ABI1: variants seen among roughly 807,000 people sequenced by gnomAD.
ABI1 encodes Abelson interactor 1.
In ABI1, 14 loss-of-function variants were observed where a neutral mutation model predicts 54.6. That is an observed-to-expected ratio of 0.26 (90% CI 0.17 to 0.40). ABI1 has a LOEUF of 0.40. Among genes scored for constraint, ABI1 ranks in the 10% least tolerant of loss-of-function variants. The pLI is 1.00. For synonymous variants in ABI1, 194 were observed against 209.3 expected (o/e 0.93, Z 0.63); for missense variants, 443 against 598.3 (o/e 0.74, Z 2.71).
rs573922166 is a variant in ABI1 at position 26,760,933 on chromosome 10, G to GT, written c.821-1696dup. 3.0e-3 allele frequency among the ~76,000 whole-genome samples: 382 copies of GT among 127,952 alleles called. 5 individuals carry two copies. The highest frequency in any genetic ancestry group is 0.028 in the East Asian group (125 of 4,398). 83.9% of individuals were successfully genotyped at this position (127,952 alleles called of 152,430 possible). ...AAAAAAAAAGAGTAAGCCTTTAACTGTTTTTTTTTTAATTTATTTTTTTAT... is the reference window on the plus strand; with the variant it reads ...AAAAAAAAAGAGTAAGCCTTTAACTGTTTTTTTTTTTAATTTATTTTTTTAT... On this transcript the variant is annotated intron_variant, in intron 7 of 10. Transcript: ENST00000376140.
chr10:26,853,502 T>A (rs972854955), intron 1 of ABI1, among the ~76,000 whole-genome samples: 1 of 151,338 alleles, frequency 6.6e-6, no homozygotes, highest in Non-Finnish European at 1.5e-5. Context: ...TGCTTCAAAA[T>A]TAGCATTAAC....
chr10:26,817,731 T>C (rs945756269), intron 2 of ABI1, among the ~76,000 whole-genome samples: 1 of 152,084 alleles, frequency 6.6e-6, no homozygotes. Flanking sequence ...GCCACAATAA[T>C]AAACAGGGAT....
At chr10:26,837,564 C>A (rs773503009) in intron 1 of ABI1, among the ~76,000 whole-genome samples, 12 of 152,180 alleles carry the variant, frequency 7.9e-5, no homozygotes, top group African/African-American at 2.9e-4. Context: ...AAATACTTGA[C>A]GGCAATACTG....
chr10:26,811,079 G>A (rs973707568), intron 2 of ABI1, among the ~76,000 whole-genome samples: 1 of 152,028 alleles, frequency 6.6e-6, no homozygotes. Context: ...ATAAATTTCT[G>A]CAATTAACAT....
chr10:26,811,498 T>C (rs2047225423), intron 2 of ABI1, among the ~76,000 whole-genome samples: 1 of 152,202 alleles, frequency 6.6e-6, no homozygotes, highest in Non-Finnish European at 1.5e-5. Context: ...ATTTTACTAT[T>C]GGTCCTCAAT....
intron 4 of ABI1, among the ~76,000 whole-genome samples, chr10:26,770,728 T>C (rs1840585005): frequency 1.3e-5 from 2 of 152,178 alleles, no homozygotes; most frequent in Non-Finnish European, 2.9e-5. Context: ...ATCTGAAAAA[T>C]CATCTTCATC....
At chr10:26,845,389 T>A (rs1366037066) in intron 1 of ABI1, among the ~76,000 whole-genome samples, 1 of 152,148 alleles carries the variant, frequency 6.6e-6, no homozygotes, top group African/African-American at 2.4e-5. Flanking sequence ...ACACCTATAA[T>A]CGCAGCACTT....
Position 26,755,226 on chromosome 10 carries a change from G to A in ABI1, c.1084+429C>T, listed in dbSNP as rs146865988. On this transcript the variant is annotated intron_variant, in intron 9 of 10. Transcript: ENST00000376140. ...CTTTCCCTAAAATTTTGAAATTAAGGGGGGAAAATCTGCCCCAATTTCATA... is the reference window on the plus strand; with the variant it reads ...CTTTCCCTAAAATTTTGAAATTAAGAGGGGAAAATCTGCCCCAATTTCATA... Among the ~76,000 whole-genome samples, 225 of 152,144 alleles carry A rather than the reference G, an allele frequency of 1.5e-3. 1 individual carries two copies. The highest frequency in any genetic ancestry group is 5.3e-3 in the African/African-American group (219 of 41,502).
rs138483061 is a variant in ABI1 at position 26,836,167 on chromosome 10, T to C, written c.118-12862A>G. On this transcript the variant is annotated intron_variant, in intron 1 of 10. Coordinates refer to ENST00000376140, the MANE Select transcript of ABI1 (RefSeq NM_001012750.3). ...TTGCTCTGTCACCCAGGCTGCAGTG[T>C]AGTGGCGCAATCTCAGCTCAATGCA... Among the ~76,000 whole-genome samples the C allele has an allele frequency of 3.3e-3, 506 of 152,192 alleles. 11 individuals are homozygous for C. The highest frequency in any genetic ancestry group is 0.033 in the East Asian group (171 of 5,188).
In ABI1 at chr10:26,755,508, G is replaced by A. The variant is rs913709826; in HGVS notation, c.1084+147C>T. 14 of 576,386 alleles carry A rather than the reference G, an allele frequency of 2.4e-5. 1 individual carries two copies. In the Admixed American group the frequency reaches 3.0e-4, roughly 13 times the overall value. 35.7% of individuals were successfully genotyped at this position (576,386 alleles called of 1,614,324 possible). ...ACACAAAGAGAAAAAACTGAAGACCGTGCTCTTCAGTTTCAGTAACATGTC... is the reference window on the plus strand; with the variant it reads ...ACACAAAGAGAAAAAACTGAAGACCATGCTCTTCAGTTTCAGTAACATGTC... On this transcript the variant is annotated intron_variant, in intron 9 of 10. Coordinates refer to ENST00000376140, the MANE Select transcript of ABI1 (RefSeq NM_001012750.3).
At chr10:26,853,263 T>C (rs1311940969) in intron 1 of ABI1, among the ~76,000 whole-genome samples, 3 of 145,748 alleles carry the variant, frequency 2.1e-5, no homozygotes, top group Non-Finnish European at 3.0e-5. Context: ...AATCCAGTAA[T>C]TGCTACTTTC....
At position 26,856,387 on chromosome 10, in the gene ABI1, G is replaced by A. The variant is rs951029942; in HGVS notation, c.117+4360C>T. ...CCTCATACAAGCTACTGAACTTTAG[G>A]TTGGGTATTTAATACCTCGGAACCT... is the stretch of plus-strand genomic sequence containing the variant. On this transcript the variant is annotated intron_variant, in intron 1 of 10. Transcript: ENST00000376140. Among the ~76,000 whole-genome samples, 4 of 125,992 alleles carry A rather than the reference G, an allele frequency of 3.2e-5. No homozygotes were observed. In the Admixed American group the frequency reaches 3.9e-4, roughly 12 times the overall value. The allele number at this position is 125,992 out of a possible 152,430, so 82.7% of individuals were successfully genotyped here. A position where few individuals can be genotyped will look rare whatever the true frequency, so the allele number is the denominator to read the frequency against.
At chr10:26,855,636 C>A (rs1010540596) in intron 1 of ABI1, among the ~76,000 whole-genome samples, 1 of 152,156 alleles carries the variant, frequency 6.6e-6, no homozygotes, top group Non-Finnish European at 1.5e-5. Context: ...TTCTCTATTA[C>A]CCTCTGCGCA....
chr10:26,768,455 T>C (rs1452301571), intron 6 of ABI1, among the ~76,000 whole-genome samples: 1 of 151,578 alleles, frequency 6.6e-6, no homozygotes, highest in Non-Finnish European at 1.5e-5. Context: ...GGAAAATCGC[T>C]TGAACCTGGG....
intron 1 of ABI1, among the ~76,000 whole-genome samples, chr10:26,846,404 G>A (rs1219315431): frequency 2.0e-5 from 3 of 148,984 alleles, no homozygotes; most frequent in Admixed American, 6.7e-5. Flanking sequence ...GTGCAGTGGC[G>A]TGCTCTCAGC....
At chr10:26,771,602 A>G (rs924856897) in intron 3 of ABI1, among the ~76,000 whole-genome samples, 17 of 152,198 alleles carry the variant, frequency 1.1e-4, no homozygotes, top group African/African-American at 3.9e-4. Flanking sequence ...GCTTCCAAAA[A>G]TGAAAAAAGG....
At chr10:26,770,135 G>A (rs983850698) in intron 5 of ABI1, 110 bp downstream of exon 5, 10 of 791,212 alleles carry the variant, frequency 1.3e-5, no homozygotes, top group East Asian at 2.5e-5. Flanking sequence ...AAAAGGTAGC[G>A]TCACATAGAG....
intron 7 of ABI1, among the ~76,000 whole-genome samples, chr10:26,761,050 C>T (rs1320894122): frequency 1.3e-5 from 2 of 151,832 alleles, no homozygotes; most frequent in African/African-American, 4.8e-5. Flanking sequence ...TCAAGCAATC[C>T]TCCTACCAGA....
At chr10:26,843,414 A>G (rs1464093213) in intron 1 of ABI1, among the ~76,000 whole-genome samples, 1 of 135,882 alleles carries the variant, frequency 7.4e-6, no homozygotes, top group African/African-American at 2.7e-5. Context: ...AGATCATGCC[A>G]CCACACTCCA....
Sources: allele counts gnomAD v4.1 joint callset (sites outside exome capture counted in the v4.1 genomes callset), GRCh38; gene constraint gnomAD v4.1.1; transcripts MANE v1.5; gene names NCBI Gene and HGNC (gene_info 2026-07-23, HGNC 2026-07-21).